KRTAP13-3: variants seen among roughly 807,000 people sequenced by gnomAD.
The protein encoded by KRTAP13-3 is keratin associated protein 13-3.
For missense variants in KRTAP13-3, 243 were observed against 202.8 expected (o/e 1.20, Z -1.20); for synonymous variants, 98 against 79.4 (o/e 1.23, Z -1.25).
exon 1 of KRTAP13-3, chr21:30,425,797 T>A (rs757243129): frequency 6.2e-7 from 1 of 1,613,926 alleles, no homozygotes; most frequent in South Asian, 1.1e-5. Context: ...AGAGCAGAGG[T>A]CAGTGCTGTA....
chr21:30,425,868 G>T, exon 1 of KRTAP13-3: 2 of 1,613,972 alleles, frequency 1.2e-6, no homozygotes, highest in Middle Eastern at 1.7e-4. Context: ...AGTAACCCCC[G>T]TGGGAGCAGG....
exon 1 of KRTAP13-3, chr21:30,425,492 T>G (rs200255737): frequency 1.9e-6 from 3 of 1,613,666 alleles, no homozygotes; most frequent in Non-Finnish European, 2.5e-6. Context: ...GATCTATAAC[T>G]CTGGGAAGGG....
chr21:30,425,584 A>G, exon 1 of KRTAP13-3: 3 of 1,614,058 alleles, frequency 1.9e-6, no homozygotes, highest in Non-Finnish European at 2.5e-6. Context: ...TCCACAGCTC[A>G]GGGAGCAGCA....
exon 1 of KRTAP13-3, chr21:30,425,556 T>A (rs750505402): frequency 6.2e-7 from 1 of 1,614,028 alleles, no homozygotes; most frequent in South Asian, 1.1e-5. Flanking sequence ...CACAGCCCAG[T>A]GAGGAGCAGC....
exon 1 of KRTAP13-3, chr21:30,425,911 A>C (rs780887980): frequency 1.2e-6 from 2 of 1,608,034 alleles, no homozygotes; most frequent in South Asian, 2.2e-5. Context: ...GTTGTAGGAC[A>C]TGTTGACGGG....
exon 1 of KRTAP13-3, chr21:30,425,923 A>G: frequency 6.2e-7 from 1 of 1,604,064 alleles, no homozygotes; most frequent in Non-Finnish European, 8.5e-7. Flanking sequence ...GTTGACGGGA[A>G]GATGTGAGTT....
exon 1 of KRTAP13-3, chr21:30,425,445 C>G: frequency 6.2e-7 from 1 of 1,602,316 alleles, no homozygotes; most frequent in Non-Finnish European, 8.5e-7. Context: ...AATGGAACCA[C>G]CTTCTAGGTG....
exon 1 of KRTAP13-3, chr21:30,425,523 C>T: frequency 1.2e-6 from 2 of 1,614,000 alleles, no homozygotes; most frequent in Non-Finnish European, 1.7e-6. Context: ...TTCTATAATT[C>T]AGATATCTGA....
At chr21:30,425,535 G>A (rs1374307784) in exon 1 of KRTAP13-3, 3 of 1,614,068 alleles carry the variant, frequency 1.9e-6, no homozygotes, top group South Asian at 1.1e-5. Flanking sequence ...GATATCTGAA[G>A]CCATTGGATC....
chr21:30,425,380 A>G (rs768617519), exon 1 of KRTAP13-3: 7 of 1,521,776 alleles, frequency 4.6e-6, no homozygotes, highest in Non-Finnish European at 8.8e-7. Flanking sequence ...GAGTTTTACC[A>G]GTCACCACAT....
chr21:30,425,823 G>C, the KRTAP13-3 span: 61 of 1,614,182 alleles, frequency 3.8e-5, no homozygotes, highest in South Asian at 6.4e-4. Context: ...GGTTGCTGGG[G>C]TAGGAAGAGC....
exon 1 of KRTAP13-3, chr21:30,425,791 C>T (rs1316397640): frequency 6.2e-7 from 1 of 1,614,150 alleles, no homozygotes; most frequent in Admixed American, 1.7e-5. Flanking sequence ...GCTGGGAGAG[C>T]AGAGGTCAGT....
Position 30,425,698 on chromosome 21 carries a change from T to C in KRTAP13-3, c.215A>G (p.Glu72Gly). ...GCAGGAGGTGTGGCAGGGGCTGGAC[T>C]CAACACACAATGTCTGACAGCTGTT... The change falls in exon 1 of 1, where the codon GAG (glutamate) becomes GGG (glycine). Residue 72 changes from glutamate (E) to glycine (G), a missense_variant. By Grantham distance (98) the Glu-to-Gly change is moderately conservative (BLOSUM62 -2). Coordinates refer to ENST00000390690, the Ensembl canonical transcript of KRTAP13-3. The C allele has an allele frequency of 1.9e-6, 3 of 1,614,060 alleles. 1 individual carries two copies. The East Asian group carries it at 6.7e-5, about 36-fold the overall frequency.
exon 1 of KRTAP13-3, chr21:30,425,908 G>A (rs1461963136): frequency 1.2e-6 from 2 of 1,608,886 alleles, no homozygotes; most frequent in Non-Finnish European, 1.7e-6. Flanking sequence ...ACAGTTGTAG[G>A]ACATGTTGAC....
chr21:30,425,501 G>A, exon 1 of KRTAP13-3: 1 of 1,613,922 alleles, frequency 6.2e-7, no homozygotes, highest in Non-Finnish European at 8.5e-7. Flanking sequence ...CTCTGGGAAG[G>A]GGAGGTATGG....
chr21:30,425,481 G>A (rs775982222), exon 1 of KRTAP13-3: 1 of 1,612,956 alleles, frequency 6.2e-7, no homozygotes. Context: ...GGCAGAATCT[G>A]GATCTATAAC....
In KRTAP13-3 at chr21:30,425,425, T is replaced by A. The variant is rs756669226; in HGVS notation, c.488A>T (p.Tyr163Phe). Reference sequence around the variant, plus strand: ...GAAACCAGATCTACAGAATGGCTGATAACAAGATGAATGGAACCACCTTCT... The same window carrying A: ...GAAACCAGATCTACAGAATGGCTGAAAACAAGATGAATGGAACCACCTTCT... The change falls in exon 1 of 1, where the codon TAT becomes TTT. Residue 163 changes from tyrosine to phenylalanine, a missense_variant. By Grantham distance (22) the Tyr-to-Phe change is conservative (BLOSUM62 3). Transcript: ENST00000390690. 12 of 1,582,866 alleles carry A rather than the reference T, an allele frequency of 7.6e-6. No homozygotes were observed. The highest frequency in any genetic ancestry group is 1.0e-5 in the Non-Finnish European group (12 of 1,163,662).
At chr21:30,425,601 G>T in exon 1 of KRTAP13-3, 1 of 1,614,064 alleles carries the variant, frequency 6.2e-7, no homozygotes, top group Non-Finnish European at 8.5e-7. Context: ...AGCAGCTATT[G>T]GATCCAAAAC....
exon 1 of KRTAP13-3, chr21:30,425,434 G>A: frequency 6.3e-7 from 1 of 1,591,414 alleles, no homozygotes; most frequent in Non-Finnish European, 8.6e-7. Context: ...ATAACAAGAT[G>A]AATGGAACCA....
Sources: gnomAD v4.1 joint callset for allele counts on GRCh38, gnomAD v4.1.1 for gene constraint, MANE v1.5 for transcripts, NCBI Gene and HGNC (gene_info 2026-07-23, HGNC 2026-07-21) for gene names.